The following PAQR4 variants were observed in gnomAD, a reference collection of about 807,000 sequenced individuals.
PAQR4 encodes the protein progestin and adipoQ receptor family member 4.
A neutral mutation model predicts 20.9 loss-of-function variants in PAQR4; 26 were observed. The observed-to-expected ratio is 1.24, with a 90% CI of 0.91 to 1.73. PAQR4 has a LOEUF of 1.73. PAQR4 is among the 40% of genes most tolerant of loss of function. The pLI, the probability that PAQR4 is intolerant of heterozygous loss-of-function variation, is 0.00. For synonymous variants in PAQR4, 193 were observed against 171.6 expected, an observed-to-expected ratio of 1.12 and a Z score of -0.97; for missense variants, 400 against 380.1, an observed-to-expected ratio of 1.05 and a Z score of -0.44.
In PAQR4 at chr16:2,973,398, A is replaced by G; in HGVS notation, c.*1450A>G. On this transcript the variant is annotated 3_prime_UTR_variant, in exon 3 of 3. Transcript: ENST00000318782. ...CTTGGACAGCCTTCAAAGTCCTTCCATCTGGCTGCACTCCAAGGCCCCCTC... is the reference window on the plus strand; with the variant it reads ...CTTGGACAGCCTTCAAAGTCCTTCCGTCTGGCTGCACTCCAAGGCCCCCTC... The G allele has an allele frequency of 6.5e-7, 1 of 1,536,548 alleles. No individual in the cohort carries two copies. The highest frequency in any genetic ancestry group is 1.2e-5 in the South Asian group (1 of 83,196).
In PAQR4 at chr16:2,971,332, G is replaced by A. The variant is rs780533165; in HGVS notation, c.342G>A (p.Arg114=). 6.8e-6 allele frequency: 11 copies of A among 1,611,724 alleles called. No individual in the cohort carries two copies. The change falls in exon 2 of 3, where the codon CGG becomes CGA. Residue 114 remains arginine (R), a synonymous_variant. Transcript: ENST00000318782. The part of the protein sequence containing the change: ...CHQGGSAVYA[R]LLALDMCGVC... The stretch of plus-strand genomic sequence containing the variant: ...AAGGGGGCAGCGCTGTGTACGCCCG[G>A]CTCCTCGCCCTGGACATGTGTGGGG...
rs746141991 is a variant in PAQR4 at position 2,969,757 on chromosome 16, G to A, written c.83G>A (p.Gly28Glu). ...HLQFNKFVLT[G>E]YRPASSGSGC... is the part of the protein sequence containing the mutation. ...CAGTTCAATAAGTTCGTGCTGACCG[G>A]GTACCGGCCCGCCAGCAGCGGCTCG... Residue 28 changes from glycine to glutamate, a missense_variant, in exon 1 of 3, where the codon GGG becomes GAG. Physicochemically the swap from Gly to Glu is moderately conservative, Grantham distance 98. Coordinates refer to ENST00000318782, the MANE Select transcript of PAQR4 (RefSeq NM_152341.5). The A allele has an allele frequency of 6.2e-7, 1 of 1,610,908 alleles. No individual in the cohort carries two copies. Among genetic ancestry groups the A allele is most frequent in the Admixed American group, 1.7e-5 (1 of 59,964 alleles).
intron 1 of PAQR4, chr16:2,970,196 G>A (rs1259219447): frequency 8.9e-6 from 2 of 225,840 alleles, no homozygotes; most frequent in Non-Finnish European, 1.8e-5. Flanking sequence ...GCGATGAGGA[G>A]GGCCCGGGAG....
chr16:2,971,625 GC>G lies in PAQR4; in HGVS notation c.504del (p.Ser169ProfsTer51), dbSNP rs751450205. ...SGVAGWRALTAPSTSARLRAF... is the reference protein window; with the variant it reads ...SGVAGWRALTXPSTSARLRAF... The stretch of plus-strand genomic sequence containing the variant: ...TGTGGCCGGCTGGCGTGCTCTCACC[GC>G]CCCCTCCACCAGTGCTCGGCTCCGG... On this transcript the variant is annotated frameshift_variant, in exon 3 of 3. Transcript: ENST00000318782. LOFTEE classifies it high-confidence loss of function. The G allele has an allele frequency of 9.7e-5, 155 of 1,605,936 alleles. No homozygotes were observed. The highest frequency in any genetic ancestry group is 1.3e-4 in the Non-Finnish European group (150 of 1,179,856).
rs1363959342 is a variant in PAQR4, at chr16:2,973,009, A to G, written c.*1061A>G. 1 of 1,610,606 alleles carries G rather than the reference A, an allele frequency of 6.2e-7. No homozygotes were observed. The highest frequency in any genetic ancestry group is 1.7e-5 in the Admixed American group (1 of 59,622). ...CTGAGGAGGTTCCGAGGCTCAAAGG[A>G]GGGGAAGGAGCCCCGAGGAGGCTCT... On this transcript the variant is annotated 3_prime_UTR_variant, in exon 3 of 3. Transcript: ENST00000318782.
Position 2,971,896 on chromosome 16 carries a change from G to C in PAQR4, c.770G>C (p.Gly257Ala). Residue 257 changes from glycine to alanine, a missense_variant, in exon 3 of 3, where the codon GGC becomes GCC. Transcript: ENST00000318782. ...GGCTCCATCCTGCAGCTGCACGCCG[G>C]CGTCGTGCCCGACCTGCTCTGGGCT... ...SVGSILQLHA[G>A]VVPDLLWAAH... The C allele has an allele frequency of 6.2e-7, 1 of 1,607,920 alleles. No homozygotes were observed. Among genetic ancestry groups the C allele is most frequent in the Non-Finnish European group, 8.5e-7 (1 of 1,179,598 alleles).
chr16:2,971,873 C>T lies in PAQR4; in HGVS notation c.747C>T (p.Gly249=), dbSNP rs765414333. 4 of 1,611,484 alleles carry T rather than the reference C, an allele frequency of 2.5e-6. No individual in the cohort carries two copies. Among genetic ancestry groups the T allele is most frequent in the Non-Finnish European group, 3.4e-6 (4 of 1,179,846 alleles). ...SHQIMHLLSV[G]SILQLHAGVV... ...AGATCATGCACCTGCTGAGCGTGGG[C>T]TCCATCCTGCAGCTGCACGCCGGCG... The change falls in exon 3 of 3, where the codon GGC becomes GGT. Residue 249 remains glycine, a synonymous_variant. Transcript: ENST00000318782.
Position 2,972,289 on chromosome 16 carries a change from A to C in PAQR4, c.*341A>C. 1 of 493,090 alleles carries C rather than the reference A, an allele frequency of 2.0e-6. No individual in the cohort carries two copies. The allele number at this position is 493,090 out of a possible 1,614,324, so 30.5% of individuals were successfully genotyped here. A position where few individuals can be genotyped will look rare whatever the true frequency, so the allele number is the denominator to read the frequency against. On this transcript the variant is annotated 3_prime_UTR_variant, in exon 3 of 3. Coordinates refer to ENST00000318782, the MANE Select transcript of PAQR4 (RefSeq NM_152341.5). ...TTGCTCTGAGAGTTCAAGTCCTGCC[A>C]GGCCGCCAGCCCAGAGCCTCCTCAC...
Position 2,971,810 on chromosome 16 carries a change from G to C in PAQR4, c.684G>C (p.Trp228Cys), listed in dbSNP as rs780579514. ...LVNVARLPERWGPGRFDYWGN... is the reference protein window; with the variant it reads ...LVNVARLPERCGPGRFDYWGN... ...ATGTAGCCCGTCTGCCCGAGCGCTG[G>C]GGACCTGGCCGCTTTGACTACTGGG... The change falls in exon 3 of 3, where the codon TGG (tryptophan) becomes TGC (cysteine). Residue 228 changes from tryptophan to cysteine, a missense_variant. Trp to Cys is a radical substitution (Grantham distance 215). Coordinates refer to ENST00000318782, the MANE Select transcript of PAQR4 (RefSeq NM_152341.5). 10 of 1,612,800 alleles carry C rather than the reference G, an allele frequency of 6.2e-6. No individual in the cohort carries two copies. The highest frequency in any genetic ancestry group is 4.4e-5 in the South Asian group (4 of 91,086).
Position 2,969,652 on chromosome 16 carries a change from G to A in PAQR4, c.-23G>A. Reference sequence around the variant, plus strand: ...GGAGGCTCGGGGACAGCAGGAGCACGGGCTGCCCGCGCGGTGCGGACCATG... The same window carrying A: ...GGAGGCTCGGGGACAGCAGGAGCACAGGCTGCCCGCGCGGTGCGGACCATG... On this transcript the variant is annotated 5_prime_UTR_variant, in exon 1 of 3. Transcript: ENST00000318782. 5 of 1,499,694 alleles carry A rather than the reference G, an allele frequency of 3.3e-6. No individual in the cohort carries two copies. Among genetic ancestry groups the A allele is most frequent in the South Asian group, 1.3e-5 (1 of 78,204 alleles). 92.9% of individuals were successfully genotyped at this position (1,499,694 alleles called of 1,614,324 possible).
chr16:2,971,607 G>A lies in PAQR4; in HGVS notation c.481G>A (p.Gly161Ser), dbSNP rs566373345. The change falls in exon 3 of 3, where the codon GGC becomes AGC. Residue 161 changes from glycine to serine, a missense_variant. Transcript: ENST00000318782. ...VGYTVLSGVAGWRALTAPSTS... is the reference protein window; with the variant it reads ...VGYTVLSGVASWRALTAPSTS... Reference sequence around the variant, plus strand: ...CTACACTGTGTTGTCGGGTGTGGCCGGCTGGCGTGCTCTCACCGCCCCCTC... The same window carrying A: ...CTACACTGTGTTGTCGGGTGTGGCCAGCTGGCGTGCTCTCACCGCCCCCTC... The A allele has an allele frequency of 3.8e-5, 61 of 1,603,520 alleles. No individual in the cohort carries two copies. Among genetic ancestry groups the A allele is most frequent in the East Asian group, 2.9e-4 (13 of 44,874 alleles).
Position 2,972,513 on chromosome 16 carries a change from GC to G in PAQR4, c.*566del. 8.7e-7 allele frequency: 1 copy of G among 1,145,466 alleles called. No individual in the cohort carries two copies. Among genetic ancestry groups the G allele is most frequent in the East Asian group, 2.6e-5 (1 of 38,860 alleles). 71.0% of individuals were successfully genotyped at this position (1,145,466 alleles called of 1,614,324 possible). A position where few individuals can be genotyped will look rare whatever the true frequency, so the allele number is the denominator to read the frequency against. On this transcript the variant is annotated 3_prime_UTR_variant, in exon 3 of 3. Coordinates refer to ENST00000318782, the MANE Select transcript of PAQR4 (RefSeq NM_152341.5). ...GTACCAGCTGGCCACAGGCACAAGG[GC>G]TGCAGCTGCTTCTTCCAGGAAACTG...
intron 2 of PAQR4, 66 bp from the exon 3 acceptor site, chr16:2,971,449 T>G: frequency 6.3e-7 from 1 of 1,577,776 alleles, no homozygotes; most frequent in Non-Finnish European, 8.6e-7. Flanking sequence ...ATACAAGCCA[T>G]GGGTAGGGAA....
intron 1 of PAQR4, chr16:2,970,844 C>A: frequency 1.9e-6 from 1 of 529,028 alleles, no homozygotes; most frequent in Non-Finnish European, 3.4e-6. Flanking sequence ...GGGAGTGGGA[C>A]GGCCTAGGCC....
Position 2,972,853 on chromosome 16 carries a change from G to A in PAQR4, c.*905G>A. ...AATACTTTTTATTAGACACGGCCAG[G>A]CAGAGAAGACCATGGGAGTTCCCGA... On this transcript the variant is annotated 3_prime_UTR_variant, in exon 3 of 3. Transcript: ENST00000318782. The A allele has an allele frequency of 6.5e-7, 1 of 1,534,368 alleles. No homozygotes were observed.
In PAQR4 at chr16:2,973,409, C is replaced by T. The variant is rs1368067437; in HGVS notation, c.*1461C>T. On this transcript the variant is annotated 3_prime_UTR_variant, in exon 3 of 3. Transcript: ENST00000318782. The stretch of plus-strand genomic sequence containing the variant: ...TTCAAAGTCCTTCCATCTGGCTGCA[C>T]TCCAAGGCCCCCTCTGTCCTTTTCA... 2 of 1,535,020 alleles carry T rather than the reference C, an allele frequency of 1.3e-6. No individual in the cohort carries two copies. The highest frequency in any genetic ancestry group is 1.7e-6 in the Non-Finnish European group (2 of 1,145,442).
rs529260292 is a variant in PAQR4, at chr16:2,972,856, G to A, written c.*908G>A. On this transcript the variant is annotated 3_prime_UTR_variant, in exon 3 of 3. Coordinates refer to ENST00000318782, the MANE Select transcript of PAQR4 (RefSeq NM_152341.5). Reference sequence around the variant, plus strand: ...ACTTTTTATTAGACACGGCCAGGCAGAGAAGACCATGGGAGTTCCCGAGGG... The same window carrying A: ...ACTTTTTATTAGACACGGCCAGGCAAAGAAGACCATGGGAGTTCCCGAGGG... The A allele has an allele frequency of 2.6e-5, 40 of 1,534,868 alleles. No individual in the cohort carries two copies. In the South Asian group the frequency reaches 4.4e-4, roughly 17 times the overall value.
At position 2,969,903 on chromosome 16, in the gene PAQR4, G is replaced by A. The variant is rs2071934633; in HGVS notation, c.166+63G>A. Reference sequence around the variant, plus strand: ...GCCGCCCTACCTGCGTTGGGCCGGGGGCACTGAGGCCGAGGAGGGCCCCAG... The same window carrying A: ...GCCGCCCTACCTGCGTTGGGCCGGGAGCACTGAGGCCGAGGAGGGCCCCAG... On this transcript the variant is annotated intron_variant, in intron 1 of 2. Coordinates refer to ENST00000318782, the MANE Select transcript of PAQR4 (RefSeq NM_152341.5). 5.0e-6 allele frequency: 8 copies of A among 1,590,128 alleles called. No homozygotes were observed. In the East Asian group the frequency reaches 1.9e-4, roughly 38 times the overall value.
chr16:2,969,773 C>G lies in PAQR4; in HGVS notation c.99C>G (p.Ser33Arg). 2 of 1,598,772 alleles carry G rather than the reference C, an allele frequency of 1.3e-6. No individual in the cohort carries two copies. Among genetic ancestry groups the G allele is most frequent in the Non-Finnish European group, 1.7e-6 (2 of 1,174,286 alleles). ...TGCTGACCGGGTACCGGCCCGCCAG[C>G]AGCGGCTCGGGCTGCCTGCGCAGCC... ...KFVLTGYRPASSGSGCLRSLF... is the reference protein window; with the variant it reads ...KFVLTGYRPARSGSGCLRSLF... The change falls in exon 1 of 3, where the codon AGC (serine) becomes AGG (arginine). Residue 33 changes from serine (S) to arginine (R), a missense_variant. Physicochemically the swap from Ser to Arg is moderately radical, Grantham distance 110. Transcript: ENST00000318782.
Sources: allele counts gnomAD v4.1 joint callset, GRCh38; gene constraint gnomAD v4.1.1; transcripts MANE v1.5; gene names NCBI Gene and HGNC (gene_info 2026-07-23, HGNC 2026-07-21).